Variants in MCC observed in about 807,000 individuals in gnomAD.
The protein encoded by MCC is colorectal mutant cancer protein.
Under a neutral mutation model 116.2 loss-of-function variants are expected in MCC, and 90 were observed. The observed-to-expected ratio is 0.77, with a 90% CI of 0.65 to 0.92. The LOEUF (loss-of-function observed/expected upper bound fraction) is 0.92, where lower values mean the gene tolerates loss of function less well. Ranked by LOEUF, MCC falls within the 40% of genes least tolerant of loss-of-function variation. MCC has a pLI of 0.00. For synonymous variants in MCC, 578 were observed against 510.5 expected (o/e 1.13, Z -1.78); for missense variants, 1,516 against 1,312.2 (o/e 1.16, Z -2.40).
intron 3 of MCC, among the ~76,000 whole-genome samples, chr5:113,208,948 T>G (rs1043388262): frequency 3.3e-5 from 5 of 152,178 alleles, no homozygotes; most frequent in Non-Finnish European, 7.4e-5. Context: ...TCTGAGGGGC[T>G]AAGGGTCGTG....
chr5:113,249,283 T>G (rs1388494276), intron 3 of MCC, among the ~76,000 whole-genome samples: 2 of 151,946 alleles, frequency 1.3e-5, no homozygotes, highest in Non-Finnish European at 2.9e-5. Flanking sequence ...AAGATGCCAA[T>G]CACAACAGTA....
intron 1 of MCC, chr5:113,432,598 A>T (rs745590651): frequency 1.3e-5 from 2 of 152,214 alleles, no homozygotes; most frequent in East Asian, 3.8e-4. Flanking sequence ...ACTGAGACAT[A>T]TAGATTAACC....
chr5:113,341,621 G>T (rs1355576570), intron 2 of MCC, among the ~76,000 whole-genome samples: 1 of 152,186 alleles, frequency 6.6e-6, no homozygotes, highest in Admixed American at 6.5e-5. Flanking sequence ...GCTGGACCTT[G>T]CTTATAAAGC....
At chr5:113,412,614 C>A (rs545601850) in intron 1 of MCC, among the ~76,000 whole-genome samples, 36 of 152,158 alleles carry the variant, frequency 2.4e-4, no homozygotes, top group African/African-American at 8.4e-4. Context: ...TTTTTGCACA[C>A]TGATTTTGTA....
At chr5:113,363,729 G>A (rs902145141) in intron 2 of MCC, among the ~76,000 whole-genome samples, 3 of 152,072 alleles carry the variant, frequency 2.0e-5, no homozygotes, top group African/African-American at 7.2e-5. Context: ...TTCTCACATT[G>A]CAAAATACAA....
At chr5:113,314,649 G>A (rs1480280549) in intron 3 of MCC, among the ~76,000 whole-genome samples, 2 of 152,114 alleles carry the variant, frequency 1.3e-5, no homozygotes, top group Admixed American at 6.5e-5. Flanking sequence ...GTGCAATGGC[G>A]TGATCTCGGC....
At chr5:113,061,709 G>A (rs1363370938) in intron 14 of MCC, among the ~76,000 whole-genome samples, 3 of 152,164 alleles carry the variant, frequency 2.0e-5, no homozygotes, top group Admixed American at 6.5e-5. Context: ...GCCGCTGGAG[G>A]CACAATACTC....
At chr5:113,178,160 C>T (rs1212473174) in intron 3 of MCC, among the ~76,000 whole-genome samples, 1 of 152,142 alleles carries the variant, frequency 6.6e-6, no homozygotes, top group Non-Finnish European at 1.5e-5. Flanking sequence ...ATTTAGAATG[C>T]GTTCCTGAAT....
intron 2 of MCC, among the ~76,000 whole-genome samples, chr5:113,350,490 C>T (rs1444619614): frequency 6.6e-6 from 1 of 151,950 alleles, no homozygotes; most frequent in Middle Eastern, 3.2e-3. Flanking sequence ...GTATCTTATT[C>T]AGAAGAATAA....
At chr5:113,068,608 T>G (rs1415088402) in intron 12 of MCC, among the ~76,000 whole-genome samples, 1 of 152,190 alleles carries the variant, frequency 6.6e-6, no homozygotes, top group Non-Finnish European at 1.5e-5. Context: ...ATTTCCAAAA[T>G]TAGCTTACTA....
intron 5 of MCC, among the ~76,000 whole-genome samples, chr5:113,133,004 C>T (rs1297264615): frequency 6.7e-6 from 1 of 149,048 alleles, no homozygotes; most frequent in South Asian, 2.1e-4. Context: ...CTATAACTTT[C>T]TTTTTTTTTT....
intron 1 of MCC, among the ~76,000 whole-genome samples, 196 bp downstream of exon 1, chr5:113,488,049 C>A (rs987455203): frequency 6.6e-6 from 1 of 152,106 alleles, no homozygotes; most frequent in Non-Finnish European, 1.5e-5. Context: ...CAACTGGCAC[C>A]CCCGCAAGGC....
intron 11 of MCC, among the ~76,000 whole-genome samples, chr5:113,074,486 A>G (rs1754275784): frequency 6.6e-6 from 1 of 152,242 alleles, no homozygotes; most frequent in Admixed American, 6.5e-5. Context: ...TCTCCTCCAA[A>G]GGAAGACAGC....
chr5:113,022,539 T>TATC lies in MCC; in HGVS notation c.*4760_*4762dup, dbSNP rs1485360904. 1.3e-5 allele frequency: 2 copies of TATC among 152,408 alleles called. No individual in the cohort carries two copies. The highest frequency in any genetic ancestry group is 4.8e-5 in the African/African-American group (2 of 41,458). The allele number at this position is 152,408 out of a possible 1,614,324, so 9.4% of individuals were successfully genotyped here. The stretch of plus-strand genomic sequence containing the variant: ...TAGAAAAGAAGTGGACATGTTTTAT[T>TATC]ATCTTTGCATTACGTTCTAACAAAA... On this transcript the variant is annotated 3_prime_UTR_variant, in exon 19 of 19. Coordinates refer to ENST00000408903, the MANE Select transcript of MCC (RefSeq NM_001085377.2).
chr5:113,142,186 C>T (rs570330854), intron 5 of MCC, among the ~76,000 whole-genome samples: 1 of 147,100 alleles, frequency 6.8e-6, no homozygotes, highest in Admixed American at 6.6e-5. Flanking sequence ...GGTGTTGGAA[C>T]AAAATGCATC....
At position 113,049,157 on chromosome 5, in the gene MCC, T is replaced by C. The variant is rs1386386610; in HGVS notation, c.2591A>G (p.Gln864Arg). 2 of 1,614,090 alleles carry C rather than the reference T, an allele frequency of 1.2e-6. No individual in the cohort carries two copies. Among genetic ancestry groups the C allele is most frequent in the Admixed American group, 1.7e-5 (1 of 60,012 alleles). Residue 864 changes from glutamine to arginine, a missense_variant, in exon 16 of 19, where the codon CAG (glutamine) becomes CGG (arginine). Physicochemically the swap from Gln to Arg is conservative, Grantham distance 43. Coordinates refer to ENST00000408903, the MANE Select transcript of MCC (RefSeq NM_001085377.2). ...GAGGGATCGCATCCGCTGCTCCTTC[T>C]GCTCCTCCACCTCGGACTTCAGGTG... ...IEHLKSEVEE[Q>R]KEQRMRSLSS...
chr5:113,487,748 C>T (rs1166649004), intron 1 of MCC, among the ~76,000 whole-genome samples: 1 of 152,228 alleles, frequency 6.6e-6, no homozygotes, highest in African/African-American at 2.4e-5. Context: ...GGTTCTGCGG[C>T]ACAAGAAAGT....
chr5:113,057,928 C>T (rs371132825), intron 14 of MCC, among the ~76,000 whole-genome samples: 115 of 152,306 alleles, frequency 7.6e-4, no homozygotes, highest in African/African-American at 2.7e-3. Flanking sequence ...GACAGCGTGG[C>T]GCTGGCAGAC....
chr5:113,159,573 A>G (rs1278478353), intron 3 of MCC, among the ~76,000 whole-genome samples: 1 of 152,210 alleles, frequency 6.6e-6, no homozygotes, highest in Non-Finnish European at 1.5e-5. Context: ...GCTCGTGGGT[A>G]GTCAATAAAA....
Sources: gnomAD v4.1 joint callset for allele counts (sites outside exome capture counted in the v4.1 genomes callset) on GRCh38, gnomAD v4.1.1 for gene constraint, MANE v1.5 for transcripts, NCBI Gene and HGNC (gene_info 2026-07-23, HGNC 2026-07-21) for gene names.